The following KCNC2 variants were observed in gnomAD, a reference collection of about 807,000 sequenced individuals.
KCNC2 encodes the protein potassium voltage-gated channel subfamily C member 2, also known as voltage-gated potassium channel KCNC2.
A neutral mutation model predicts 44.5 loss-of-function variants in KCNC2; 21 were observed. The observed-to-expected ratio is 0.47, with a 90% CI of 0.33 to 0.68. KCNC2 has a LOEUF of 0.68. KCNC2 is among the 30% of genes least tolerant of loss of function. The pLI is 0.01. For synonymous variants in KCNC2, 391 were observed against 339.1 expected (o/e 1.15, Z -1.68); for missense variants, 589 against 826.2 (o/e 0.71, Z 3.52).
At chr12:75,130,526 T>C (rs1355759944) in intron 2 of KCNC2, among the ~76,000 whole-genome samples, 5 of 152,106 alleles carry the variant, frequency 3.3e-5, no homozygotes, top group Admixed American at 3.3e-4. Flanking sequence ...AATGTTACGG[T>C]TGTAAAGATG....
At chr12:75,073,298 G>A (rs1226423095) in intron 2 of KCNC2, among the ~76,000 whole-genome samples, 1 of 152,056 alleles carries the variant, frequency 6.6e-6, no homozygotes, top group Non-Finnish European at 1.5e-5. Flanking sequence ...CTTATTGGTT[G>A]GCTAACTTCT....
chr12:75,064,404 C>CAAT (rs1248695424), intron 2 of KCNC2, among the ~76,000 whole-genome samples: 1 of 151,928 alleles, frequency 6.6e-6, no homozygotes, highest in East Asian at 1.9e-4. Context: ...TGTTTTAATA[C>CAAT]AGTGTTCTAA....
intron 3 of KCNC2, among the ~76,000 whole-genome samples, 164 bp from the exon 4 acceptor site, chr12:75,048,481 C>T (rs1880795460): frequency 6.6e-5 from 10 of 152,030 alleles, no homozygotes; most frequent in Admixed American, 6.6e-4. Context: ...CGAAAAATTA[C>T]ATGGAGCAAA....
At chr12:75,083,931 G>T (rs2366623) in intron 2 of KCNC2, among the ~76,000 whole-genome samples, 135,378 of 151,778 alleles carry the variant, frequency 0.89, 60,427 homozygotes, top group Admixed American at 0.92. Context: ...AATACATACA[G>T]TAGTTTTATA....
chr12:75,044,173 G>T (rs1317775012), intron 4 of KCNC2, among the ~76,000 whole-genome samples: 1 of 151,996 alleles, frequency 6.6e-6, no homozygotes, highest in Non-Finnish European at 1.5e-5. Context: ...GAGGTGGAAA[G>T]CACCTAGTAT....
At chr12:75,100,402 C>G (rs1886280549) in intron 2 of KCNC2, among the ~76,000 whole-genome samples, 1 of 151,940 alleles carries the variant, frequency 6.6e-6, no homozygotes, top group African/African-American at 2.4e-5. Flanking sequence ...AATCAATTCA[C>G]CACAATGGCA....
At chr12:75,133,521 T>C (rs975969321) in intron 2 of KCNC2, among the ~76,000 whole-genome samples, 5 of 151,960 alleles carry the variant, frequency 3.3e-5, no homozygotes, top group Admixed American at 2.0e-4. Context: ...GTTAAGAATT[T>C]AGGAAAAACT....
chr12:75,171,903 T>A (rs1044033409), intron 2 of KCNC2, among the ~76,000 whole-genome samples: 3 of 151,788 alleles, frequency 2.0e-5, no homozygotes. Flanking sequence ...CAAAAAATAA[T>A]AAAACACTTT....
intron 2 of KCNC2, among the ~76,000 whole-genome samples, chr12:75,142,217 A>G (rs1251709486): frequency 6.6e-6 from 1 of 152,176 alleles, no homozygotes; most frequent in African/African-American, 2.4e-5. Context: ...TAAATGGCTA[A>G]CCTAAGACTT....
chr12:75,155,605 A>G (rs1375297504), intron 2 of KCNC2, among the ~76,000 whole-genome samples: 1 of 151,778 alleles, frequency 6.6e-6, no homozygotes, highest in Non-Finnish European at 1.5e-5. Context: ...TCTAATCTCT[A>G]TTAGAGTTCA....
intron 2 of KCNC2, among the ~76,000 whole-genome samples, chr12:75,205,161 A>T (rs1381854163): frequency 6.6e-6 from 1 of 152,146 alleles, no homozygotes; most frequent in African/African-American, 2.4e-5. Flanking sequence ...TAGTTTTGCT[A>T]GAAAGGGCCT....
intron 2 of KCNC2, among the ~76,000 whole-genome samples, chr12:75,065,105 C>T (rs1204861485): frequency 4.6e-5 from 7 of 151,956 alleles, no homozygotes; most frequent in Admixed American, 4.6e-4. Context: ...TTTGATGGTC[C>T]ATAATCTTTA....
chr12:75,193,634 C>T (rs755182252), intron 2 of KCNC2, among the ~76,000 whole-genome samples: 7 of 152,060 alleles, frequency 4.6e-5, no homozygotes, highest in Non-Finnish European at 1.0e-4. Context: ...TTCATATTTC[C>T]TCAAAGTGCA....
intron 2 of KCNC2, among the ~76,000 whole-genome samples, chr12:75,194,031 C>A (rs903960597): frequency 6.6e-6 from 1 of 151,804 alleles, no homozygotes; most frequent in African/African-American, 2.4e-5. Flanking sequence ...AGATACAACA[C>A]GCAGATATGA....
At chr12:75,197,864 C>G (rs61932904) in intron 2 of KCNC2, among the ~76,000 whole-genome samples, 1 of 151,712 alleles carries the variant, frequency 6.6e-6, no homozygotes, top group Non-Finnish European at 1.5e-5. Context: ...ACTGCACTTA[C>G]ATCTAAAAAA....
intron 2 of KCNC2, among the ~76,000 whole-genome samples, chr12:75,127,982 A>G (rs1450619527): frequency 6.6e-6 from 1 of 152,148 alleles, no homozygotes; most frequent in African/African-American, 2.4e-5. Context: ...AAACCTGAAA[A>G]TATTCACATA....
chr12:75,204,557 A>G (rs190972255), intron 2 of KCNC2, among the ~76,000 whole-genome samples: 12 of 152,278 alleles, frequency 7.9e-5, no homozygotes, highest in African/African-American at 2.6e-4. Flanking sequence ...CTAATGTTAA[A>G]AAATAAGAGT....
intron 2 of KCNC2, among the ~76,000 whole-genome samples, chr12:75,060,221 A>G (rs2136985028): frequency 6.6e-6 from 1 of 152,118 alleles, no homozygotes; most frequent in East Asian, 1.9e-4. Flanking sequence ...TTCTTCCCCA[A>G]CACCTTCATC....
intron 2 of KCNC2, among the ~76,000 whole-genome samples, chr12:75,176,490 T>G (rs1892191988): frequency 6.6e-6 from 1 of 151,918 alleles, no homozygotes; most frequent in Admixed American, 6.6e-5. Context: ...ATTTTCCGAT[T>G]TAATTCACTA....
Sources: gnomAD v4.1 joint callset for allele counts (sites outside exome capture counted in the v4.1 genomes callset) on GRCh38, gnomAD v4.1.1 for gene constraint, MANE v1.5 for transcripts, NCBI Gene and HGNC (gene_info 2026-07-23, HGNC 2026-07-21) for gene names.